The following CHRM5 variants were observed in gnomAD, a reference collection of about 807,000 sequenced individuals.
The protein encoded by CHRM5 is muscarinic acetylcholine receptor M5.
CHRM5 carries 18 observed loss-of-function variants against 39.0 expected under a neutral mutation model. The ratio of observed to expected loss-of-function variants is 0.46; its 90% CI spans 0.32 to 0.68. The LOEUF is 0.68. Ranked by LOEUF, CHRM5 falls within the 30% of genes least tolerant of loss-of-function variation. The pLI, the probability that CHRM5 is intolerant of heterozygous loss-of-function variation, is 0.04. For synonymous variants in CHRM5, 241 were observed against 246.3 expected (o/e 0.98, Z 0.20); for missense variants, 515 against 651.1 (o/e 0.79, Z 2.28).
At position 33,975,486 on chromosome 15, in the gene CHRM5, C is replaced by T. The variant is rs75407393; in HGVS notation, c.-408+6336C>T. Among the ~76,000 whole-genome samples, 830 of 152,228 alleles carry T rather than the reference C, an allele frequency of 5.5e-3. 8 individuals are homozygous for T. Among genetic ancestry groups the T allele is most frequent in the South Asian group, 0.027 (128 of 4,818 alleles). On this transcript the variant is annotated intron_variant, in intron 1 of 2. Transcript: ENST00000383263. ...GTTGATTTTAAAAAGGACTAAACAT[C>T]TATAATTTGGGTTGGAATATTCCAG...
Position 34,063,343 on chromosome 15 carries a change from T to C in CHRM5, c.626T>C (p.Met209Thr). Residue 209 changes from methionine (M) to threonine (T), a missense_variant, in exon 3 of 3, where the codon ATG becomes ACG. Transcript: ENST00000383263. This position sits in a 1 kb window ranked among gnomAD's most constrained non-coding sequence, Gnocchi z 4.1. ...IAAFYIPVSVMTILYCRIYRE... is the reference protein window; with the variant it reads ...IAAFYIPVSVTTILYCRIYRE... ...GCCTTCTACATCCCTGTTTCTGTCA[T>C]GACCATCCTCTACTGTCGAATCTAC... 2 of 1,614,190 alleles carry C rather than the reference T, an allele frequency of 1.2e-6. No homozygotes were observed. Among genetic ancestry groups the C allele is most frequent in the East Asian group, 2.2e-5 (1 of 44,886 alleles).
intron 1 of CHRM5, among the ~76,000 whole-genome samples, chr15:34,023,786 C>T (rs1898315915): frequency 6.6e-6 from 1 of 152,090 alleles, no homozygotes; most frequent in Non-Finnish European, 1.5e-5. Context: ...ACTAAAAAGA[C>T]CTAATCTATA....
At chr15:34,005,847 C>G (rs1567462049) in intron 1 of CHRM5, among the ~76,000 whole-genome samples, 2 of 152,150 alleles carry the variant, frequency 1.3e-5, no homozygotes. Flanking sequence ...TCATCATAAG[C>G]CTCCCTGTCA....
At chr15:34,017,460 T>C (rs1019312999) in intron 1 of CHRM5, among the ~76,000 whole-genome samples, 1 of 149,800 alleles carries the variant, frequency 6.7e-6, no homozygotes, top group South Asian at 2.1e-4. Context: ...CCAAGATAAG[T>C]GATTTCAGTA....
chr15:33,994,881 T>C (rs563796087), intron 1 of CHRM5, among the ~76,000 whole-genome samples: 7 of 152,074 alleles, frequency 4.6e-5, no homozygotes, highest in Non-Finnish European at 1.0e-4. Context: ...TCCAGCTAAT[T>C]TGGGAAGAAA....
At chr15:34,028,773 A>C (rs1017105566) in intron 1 of CHRM5, among the ~76,000 whole-genome samples, 1 of 152,136 alleles carries the variant, frequency 6.6e-6, no homozygotes, top group African/African-American at 2.4e-5. Context: ...AGATTTTACA[A>C]CTAGCACATG....
chr15:34,048,196 A>G (rs1451114702), intron 2 of CHRM5, among the ~76,000 whole-genome samples: 1 of 152,228 alleles, frequency 6.6e-6, no homozygotes, highest in East Asian at 1.9e-4. Flanking sequence ...TTTAAGCAGG[A>G]CCCGGATCCA....
intron 1 of CHRM5, among the ~76,000 whole-genome samples, chr15:34,010,588 C>T (rs200341728): frequency 2.5e-4 from 1 of 3,954 alleles, no homozygotes; most frequent in East Asian, 0.045. Context: ...ACATTCACAC[C>T]ATTTTTCACC....
At position 34,064,627 on chromosome 15, in the gene CHRM5, G is replaced by A; in HGVS notation, c.*311G>A. On this transcript the variant is annotated 3_prime_UTR_variant, in exon 3 of 3. Coordinates refer to ENST00000383263, the MANE Select transcript of CHRM5 (RefSeq NM_012125.4). ...CTGGGTAACAATGAACAGTGACTCA[G>A]GGAACTTATGCCCCTTCTGTAGGAA... 3.0e-6 allele frequency: 1 copy of A among 335,432 alleles called. No homozygotes were observed. The highest frequency in any genetic ancestry group is 6.2e-5 in the East Asian group (1 of 16,246). 20.8% of individuals were successfully genotyped at this position (335,432 alleles called of 1,614,324 possible). A position where few individuals can be genotyped will look rare whatever the true frequency, so the allele number is the denominator to read the frequency against.
At chr15:34,038,688 T>C in intron 1 of CHRM5, 1 of 1,071,996 alleles carries the variant, frequency 9.3e-7, no homozygotes, top group Non-Finnish European at 1.1e-6. Flanking sequence ...GGCGCGCGCC[T>C]GGCACGCTCT....
At chr15:34,035,490 A>G (rs1315127423) in intron 1 of CHRM5, among the ~76,000 whole-genome samples, 3 of 152,200 alleles carry the variant, frequency 2.0e-5, no homozygotes, top group African/African-American at 7.2e-5. Flanking sequence ...TCGAAAGAAC[A>G]GGCTCTGGAG....
At chr15:33,995,822 G>A (rs1194677531) in intron 1 of CHRM5, among the ~76,000 whole-genome samples, 6 of 152,302 alleles carry the variant, frequency 3.9e-5, no homozygotes, top group East Asian at 1.9e-4. Context: ...CATCTCATTC[G>A]GACTGGTTGG....
intron 1 of CHRM5, among the ~76,000 whole-genome samples, chr15:34,015,423 A>C (rs1226018914): frequency 3.3e-5 from 5 of 152,174 alleles, no homozygotes; most frequent in Non-Finnish European, 7.3e-5. Context: ...CGGAGCTTGC[A>C]GTGAGCCGAG....
chr15:33,989,305 AGTTT>A (rs1896616419), intron 1 of CHRM5, among the ~76,000 whole-genome samples: 2 of 152,306 alleles, frequency 1.3e-5, no homozygotes, highest in Non-Finnish European at 2.9e-5. Flanking sequence ...CTAACCCAAC[AGTTT>A]GTTTCTCTTC....
chr15:33,996,507 G>C (rs1256019326), intron 1 of CHRM5, among the ~76,000 whole-genome samples: 1 of 152,188 alleles, frequency 6.6e-6, no homozygotes, highest in Admixed American at 6.5e-5. Context: ...AGCAACATTT[G>C]CTGTCCTGCA....
At chr15:34,009,589 A>G (rs1460925377) in intron 1 of CHRM5, among the ~76,000 whole-genome samples, 1 of 152,232 alleles carries the variant, frequency 6.6e-6, no homozygotes, top group Non-Finnish European at 1.5e-5. Context: ...AACACTAAAG[A>G]GCTAGCATGA....
chr15:33,991,596 G>A lies in CHRM5; in HGVS notation c.-408+22446G>A, dbSNP rs569916987. 4 of 151,800 alleles carry A rather than the reference G, an allele frequency of 2.6e-5. No individual in the cohort carries two copies. The East Asian group carries it at 7.7e-4, about 29-fold the overall frequency. 9.4% of individuals were successfully genotyped at this position (151,800 alleles called of 1,614,324 possible). On this transcript the variant is annotated intron_variant, in intron 1 of 2. Coordinates refer to ENST00000383263, the MANE Select transcript of CHRM5 (RefSeq NM_012125.4). ...AATTTTGGGATGACTTAGATAATGT[G>A]ACCTGTAGAAAGCACCCACATATCC...
intron 2 of CHRM5, among the ~76,000 whole-genome samples, chr15:34,054,434 C>A (rs1289674854): frequency 6.6e-6 from 1 of 152,084 alleles, no homozygotes; most frequent in Non-Finnish European, 1.5e-5. Context: ...AATCTAAATG[C>A]CCATCAACAA....
chr15:33,970,552 T>C (rs893964268), intron 1 of CHRM5, among the ~76,000 whole-genome samples: 2 of 151,966 alleles, frequency 1.3e-5, no homozygotes, highest in African/African-American at 2.4e-5. Context: ...CCCTTAAGGG[T>C]TCTTTTCATC....
Sources: gnomAD v4.1 joint callset for allele counts (sites outside exome capture counted in the v4.1 genomes callset) on GRCh38, gnomAD v4.1.1 for gene constraint, Gnocchi (gnomAD v3.1) non-coding constraint, MANE v1.5 for transcripts, NCBI Gene and HGNC (gene_info 2026-07-23, HGNC 2026-07-21) for gene names.